TAFA1: variants seen among roughly 807,000 people sequenced by gnomAD.
TAFA1 encodes the protein TAFA chemokine like family member 1, also known as chemokine-like protein TAFA-1.
In TAFA1, 4 loss-of-function variants were observed where a neutral mutation model predicts 18.5. The observed-to-expected ratio is 0.22, with a 90% CI of 0.11 to 0.49. The LOEUF (loss-of-function observed/expected upper bound fraction) is 0.49, where lower values mean the gene tolerates loss of function less well. Among genes scored for constraint, TAFA1 ranks in the 20% least tolerant of loss-of-function variants. The pLI, the probability that TAFA1 is intolerant of heterozygous loss-of-function variation, is 0.98. For missense variants in TAFA1, 147 were observed against 169.0 expected (o/e 0.87, Z 0.72); for synonymous variants, 56 against 55.2 (o/e 1.01, Z -0.06).
intron 2 of TAFA1, among the ~76,000 whole-genome samples, chr3:68,224,814 G>T (rs1433712050): frequency 6.6e-6 from 1 of 151,914 alleles, no homozygotes; most frequent in Non-Finnish European, 1.5e-5. Context: ...TTTAGTTGGG[G>T]AGGGGGTTAC....
chr3:68,154,457 TG>T (rs1296730469), intron 2 of TAFA1, among the ~76,000 whole-genome samples: 4 of 152,212 alleles, frequency 2.6e-5, no homozygotes, highest in Non-Finnish European at 1.5e-5. Context: ...GGCTTCCTTT[TG>T]CTTCTAGATT....
chr3:68,193,199 A>C (rs748532704), intron 2 of TAFA1, among the ~76,000 whole-genome samples: 1 of 151,822 alleles, frequency 6.6e-6, no homozygotes, highest in Non-Finnish European at 1.5e-5. Flanking sequence ...TTAATTATAC[A>C]TACCATGCTG....
At position 68,281,009 on chromosome 3, in the gene TAFA1, T is replaced by A. The variant is rs77157723; in HGVS notation, c.119-136271T>A. 0.012 allele frequency among the ~76,000 whole-genome samples: 1,889 copies of A among 152,306 alleles called. 87 individuals carry two copies. In the East Asian group the frequency reaches 0.15, roughly 12 times the overall value. On this transcript the variant is annotated intron_variant, in intron 2 of 4. Transcript: ENST00000478136. ...GATAATATTTAATAAACAGTATTTA[T>A]AATAGTGTTCTTTATGATGGTATGC...
intron 3 of TAFA1, among the ~76,000 whole-genome samples, chr3:68,484,343 A>T (rs1276075014): frequency 2.6e-5 from 4 of 152,218 alleles, no homozygotes; most frequent in Non-Finnish European, 4.4e-5. Context: ...GGAATGGAAT[A>T]TCTAGAGCAA....
intron 2 of TAFA1, among the ~76,000 whole-genome samples, chr3:68,114,596 C>T (rs917016469): frequency 6.6e-6 from 1 of 152,150 alleles, no homozygotes; most frequent in Non-Finnish European, 1.5e-5. Context: ...ACGATATGAG[C>T]AACTTCGATT....
chr3:68,021,123 C>T (rs1704679407), intron 2 of TAFA1, among the ~76,000 whole-genome samples: 1 of 129,504 alleles, frequency 7.7e-6, no homozygotes, highest in Non-Finnish European at 1.6e-5. Context: ...GAGGCAGAGG[C>T]TTCAGTGAGC....
rs117453343 is a variant in TAFA1, at chr3:68,337,301, A to G, written c.119-79979A>G. ...GCAGGAGGAAGAGAGAGAATGGGGC[A>G]GGGGGAGCGGGGGTGGTGCCACACA... On this transcript the variant is annotated intron_variant, in intron 2 of 4. Transcript: ENST00000478136. Among the ~76,000 whole-genome samples the G allele has an allele frequency of 0.011, 1,616 of 152,094 alleles. 82 individuals are homozygous for G. The East Asian group carries it at 0.17, about 16-fold the overall frequency.
chr3:68,389,799 G>A lies in TAFA1; in HGVS notation c.119-27481G>A, dbSNP rs1390911855. 3.3e-5 allele frequency among the ~76,000 whole-genome samples: 5 copies of A among 152,220 alleles called. No homozygotes were observed. The East Asian group carries it at 9.7e-4, about 30-fold the overall frequency. ...CCCCTAGCCGAGGGAAGCAATGAGG[G>A]ACTGTGCTGTGCGGGATGGTGCTAT... On this transcript the variant is annotated intron_variant, in intron 2 of 4. Transcript: ENST00000478136.
intron 2 of TAFA1, among the ~76,000 whole-genome samples, chr3:68,178,939 T>A (rs1245253737): frequency 6.6e-6 from 1 of 152,202 alleles, no homozygotes; most frequent in Admixed American, 6.5e-5. Context: ...AAAGGGGAAA[T>A]CCCCAAACAC....
intron 2 of TAFA1, among the ~76,000 whole-genome samples, chr3:68,267,601 G>T (rs910724012): frequency 6.6e-6 from 1 of 152,056 alleles, no homozygotes; most frequent in Non-Finnish European, 1.5e-5. Context: ...TTCATGAAAA[G>T]ATAACTGATT....
At chr3:68,010,158 T>G (rs1338896483) in intron 2 of TAFA1, among the ~76,000 whole-genome samples, 2 of 152,230 alleles carry the variant, frequency 1.3e-5, no homozygotes, top group Non-Finnish European at 2.9e-5. Flanking sequence ...GAGCCTTGAA[T>G]GGAAGGAGAG....
At chr3:68,466,817 C>T (rs181858077) in intron 3 of TAFA1, among the ~76,000 whole-genome samples, 38 of 152,144 alleles carry the variant, frequency 2.5e-4, no homozygotes, top group Middle Eastern at 6.8e-3. Context: ...CCCTAAGTGT[C>T]GGCCGGTCTG....
intron 2 of TAFA1, among the ~76,000 whole-genome samples, chr3:68,168,287 C>G (rs947069820): frequency 3.9e-5 from 6 of 152,132 alleles, no homozygotes; most frequent in Non-Finnish European, 7.3e-5. Flanking sequence ...AAATGTGTCT[C>G]TATGAATTTT....
chr3:68,275,733 A>G (rs2067783351), intron 2 of TAFA1, among the ~76,000 whole-genome samples: 1 of 152,144 alleles, frequency 6.6e-6, no homozygotes, highest in Non-Finnish European at 1.5e-5. Context: ...CATTTCAAGC[A>G]TTAGAGTAAA....
chr3:68,147,350 C>T (rs529810357), intron 2 of TAFA1, among the ~76,000 whole-genome samples: 9 of 151,914 alleles, frequency 5.9e-5, no homozygotes, highest in East Asian at 1.9e-4. Context: ...ATAGTTTACC[C>T]GCCCCTGCCT....
chr3:68,447,578 T>C (rs1305537645), intron 3 of TAFA1, among the ~76,000 whole-genome samples: 2 of 152,344 alleles, frequency 1.3e-5, no homozygotes, highest in East Asian at 3.9e-4. Context: ...CAAAGGTTTA[T>C]TCCAAAGCTC....
chr3:68,336,212 C>T (rs984857201), intron 2 of TAFA1, among the ~76,000 whole-genome samples: 1 of 152,198 alleles, frequency 6.6e-6, no homozygotes, highest in Admixed American at 6.5e-5. Context: ...CAGAGGGGTC[C>T]TCTCATTGCA....
intron 3 of TAFA1, among the ~76,000 whole-genome samples, chr3:68,429,241 T>G (rs2071118527): frequency 6.6e-6 from 1 of 151,944 alleles, no homozygotes; most frequent in African/African-American, 2.4e-5. Flanking sequence ...GGAACACTAC[T>G]TAGAGTAGTA....
intron 2 of TAFA1, among the ~76,000 whole-genome samples, chr3:68,306,777 C>G (rs1402534976): frequency 6.6e-6 from 1 of 152,054 alleles, no homozygotes; most frequent in African/African-American, 2.4e-5. Flanking sequence ...CTGAATCTCC[C>G]CTACACAGGA....
Sources: gnomAD v4.1 joint callset for allele counts (sites outside exome capture counted in the v4.1 genomes callset) on GRCh38, gnomAD v4.1.1 for gene constraint, MANE v1.5 for transcripts, NCBI Gene and HGNC (gene_info 2026-07-23, HGNC 2026-07-21) for gene names.